FSIP1: variants seen among roughly 807,000 people sequenced by gnomAD.
The protein encoded by FSIP1 is fibrous sheath interacting protein 1, also known as fibrous sheath-interacting protein 1.
Under a neutral mutation model 60.9 loss-of-function variants are expected in FSIP1, and 65 were observed. The observed-to-expected ratio is 1.07, with a 90% confidence interval of 0.87 to 1.31. The LOEUF is 1.31. FSIP1 is among the 40% of genes most tolerant of loss of function. The pLI, the probability that FSIP1 is intolerant of heterozygous loss-of-function variation, is 0.00. For missense variants in FSIP1, 675 were observed against 665.5 expected (o/e 1.01, Z -0.16); for synonymous variants, 209 against 221.2 (o/e 0.94, Z 0.49).
At chr15:39,680,137 A>C (rs1031556073) in intron 10 of FSIP1, among the ~76,000 whole-genome samples, 1 of 152,188 alleles carries the variant, frequency 6.6e-6, no homozygotes, top group Non-Finnish European at 1.5e-5. Flanking sequence ...CTTAAAACAT[A>C]GCAAGACTCT....
intron 11 of FSIP1, among the ~76,000 whole-genome samples, chr15:39,613,376 G>A (rs1360482591): frequency 6.6e-6 from 1 of 151,728 alleles, no homozygotes; most frequent in Non-Finnish European, 1.5e-5. Context: ...CAGATTCCTG[G>A]ACACATACAT....
chr15:39,742,355 G>T (rs140478436), intron 5 of FSIP1, among the ~76,000 whole-genome samples: 4 of 152,250 alleles, frequency 2.6e-5, no homozygotes, highest in African/African-American at 9.6e-5. Flanking sequence ...AGAGAACTTG[G>T]GAGACTCTTA....
intron 9 of FSIP1, among the ~76,000 whole-genome samples, chr15:39,715,756 T>C (rs574867505): frequency 1.1e-3 from 171 of 151,832 alleles, no homozygotes; most frequent in African/African-American, 4.1e-3. Flanking sequence ...GGGGGTGGAG[T>C]TCTCATGAAT....
intron 10 of FSIP1, among the ~76,000 whole-genome samples, chr15:39,620,707 T>G (rs1418617310): frequency 4.6e-5 from 7 of 150,820 alleles, no homozygotes; most frequent in African/African-American, 1.7e-4. Flanking sequence ...GTCTCGTGTC[T>G]CAGCCTCCCC....
At chr15:39,657,221 AG>A (rs1257039783) in intron 10 of FSIP1, among the ~76,000 whole-genome samples, 1 of 152,272 alleles carries the variant, frequency 6.6e-6, no homozygotes, top group Non-Finnish European at 1.5e-5. Flanking sequence ...AGAGGGAAGC[AG>A]TAATCCAGCT....
intron 10 of FSIP1, among the ~76,000 whole-genome samples, chr15:39,707,853 T>C (rs1895340991): frequency 6.6e-6 from 1 of 152,058 alleles, no homozygotes; most frequent in Admixed American, 6.6e-5. Flanking sequence ...AAGCCCCCTA[T>C]ATAAAGCTTA....
chr15:39,686,313 A>G (rs1566884982), intron 10 of FSIP1, among the ~76,000 whole-genome samples: 1 of 152,226 alleles, frequency 6.6e-6, no homozygotes, highest in African/African-American at 2.4e-5. Flanking sequence ...ATTCAAACCC[A>G]GGTGCCTCAC....
intron 8 of FSIP1, among the ~76,000 whole-genome samples, chr15:39,729,072 T>C (rs1032892498): frequency 2.6e-5 from 4 of 152,140 alleles, no homozygotes; most frequent in African/African-American, 9.7e-5. Flanking sequence ...GAAAGGCCAT[T>C]ACTAAAAAGT....
intron 10 of FSIP1, among the ~76,000 whole-genome samples, chr15:39,623,363 T>C (rs1891515586): frequency 6.6e-6 from 1 of 152,128 alleles, no homozygotes; most frequent in Admixed American, 6.5e-5. Context: ...ACTTCGGGTG[T>C]TTTTTATTTC....
chr15:39,640,587 C>G (rs766392207), intron 10 of FSIP1, among the ~76,000 whole-genome samples: 1 of 151,990 alleles, frequency 6.6e-6, no homozygotes, highest in African/African-American at 2.4e-5. Flanking sequence ...TTCTGGGGTA[C>G]GTGATAAAAG....
At chr15:39,648,498 G>T (rs1785577593) in intron 10 of FSIP1, among the ~76,000 whole-genome samples, 1 of 152,186 alleles carries the variant, frequency 6.6e-6, no homozygotes, top group Admixed American at 6.5e-5. Flanking sequence ...TGCCGTGGTT[G>T]GGAACCACTG....
At chr15:39,720,400 C>T (rs1895905620) in intron 9 of FSIP1, among the ~76,000 whole-genome samples, 1 of 152,024 alleles carries the variant, frequency 6.6e-6, no homozygotes, top group African/African-American at 2.4e-5. Flanking sequence ...GAAAATAAAT[C>T]AAATTAAGGA....
chr15:39,689,357 T>C (rs1177785404), intron 10 of FSIP1, among the ~76,000 whole-genome samples: 4 of 152,140 alleles, frequency 2.6e-5, no homozygotes, highest in Non-Finnish European at 4.4e-5. Flanking sequence ...AATTCTTTGG[T>C]CATTGGTGAT....
intron 5 of FSIP1, among the ~76,000 whole-genome samples, chr15:39,746,855 A>G (rs1897011199): frequency 6.6e-6 from 1 of 152,210 alleles, no homozygotes; most frequent in Non-Finnish European, 1.5e-5. Context: ...GAGTGAAATA[A>G]GGAGAGATGA....
At chr15:39,634,836 C>A (rs1892061347) in intron 10 of FSIP1, among the ~76,000 whole-genome samples, 1 of 152,152 alleles carries the variant, frequency 6.6e-6, no homozygotes, top group African/African-American at 2.4e-5. Flanking sequence ...TCAGTGGTAC[C>A]TAATGTATCT....
Position 39,720,703 on chromosome 15 carries a change from C to T in FSIP1, c.1050+5886G>A, listed in dbSNP as rs993936588. 3.9e-5 allele frequency among the ~76,000 whole-genome samples: 6 copies of T among 152,030 alleles called. No homozygotes were observed. The East Asian group carries it at 5.8e-4, about 15-fold the overall frequency. ...AGAGAACTGGAATCTGATACTTCTA[C>T]GAATAAGAAGTATGGTAACTAAATT... On this transcript the variant is annotated intron_variant, in intron 9 of 11. Coordinates refer to ENST00000350221, the MANE Select transcript of FSIP1 (RefSeq NM_152597.5).
In FSIP1 at chr15:39,753,904, C is replaced by T. The variant is rs571677460; in HGVS notation, c.559+9917G>A. Among the ~76,000 whole-genome samples, 55 of 151,512 alleles carry T rather than the reference C, an allele frequency of 3.6e-4. 1 individual carries two copies. The highest frequency in any genetic ancestry group is 3.6e-3 in the Admixed American group (55 of 15,196). On this transcript the variant is annotated intron_variant, in intron 5 of 11. Coordinates refer to ENST00000350221, the MANE Select transcript of FSIP1 (RefSeq NM_152597.5). ...AATAACCCTTTATAAATATGATGGG[C>T]TAAACACCAATCAGGGTAATAACAA... is the stretch of plus-strand genomic sequence containing the variant.
At chr15:39,762,934 T>C (rs1259127741) in intron 5 of FSIP1, among the ~76,000 whole-genome samples, 1 of 152,138 alleles carries the variant, frequency 6.6e-6, no homozygotes, top group African/African-American at 2.4e-5. Context: ...GAAATACAAA[T>C]TAGTGGGGGA....
At chr15:39,694,708 G>A (rs1894741637) in intron 10 of FSIP1, among the ~76,000 whole-genome samples, 1 of 152,016 alleles carries the variant, frequency 6.6e-6, no homozygotes, top group Non-Finnish European at 1.5e-5. Context: ...GCCGAGGCAG[G>A]AAAATCGCTT....
Sources: allele counts gnomAD v4.1 joint callset (sites outside exome capture counted in the v4.1 genomes callset), GRCh38; gene constraint gnomAD v4.1.1; transcripts MANE v1.5; gene names NCBI Gene and HGNC (gene_info 2026-07-23, HGNC 2026-07-21).